Variants in TRRAP observed in about 807,000 individuals in gnomAD.
The protein encoded by TRRAP is transformation/transcription domain-associated protein.
A neutral mutation model predicts 438.8 loss-of-function variants in TRRAP; 41 were observed. The ratio of observed to expected loss-of-function variants is 0.09; its 90% CI spans 0.07 to 0.12. The LOEUF is 0.12. TRRAP is among the 10% of genes least tolerant of loss of function. The pLI is 1.00. For missense variants in TRRAP, 3,122 were observed against 5,055.1 expected, an observed-to-expected ratio of 0.62 and a Z score of 11.60; for synonymous variants, 1,994 against 1,962.9, an observed-to-expected ratio of 1.02 and a Z score of -0.42.
rs752332206 is a variant in TRRAP, at chr7:98,976,608, C to G, written c.8085C>G (p.Ile2695Met). Residue 2695 changes from isoleucine to methionine, a missense_variant, in exon 55 of 73, where the codon ATC becomes ATG. Coordinates refer to ENST00000456197, the MANE Select transcript of TRRAP (RefSeq NM_001375524.1). The surrounding 1 kb of genome is among the most constrained non-coding windows in gnomAD (Gnocchi z 4.6). ...CCCAGTGCGTGCCGCCAATCCCCATCCGACCCTGCGTCCTGAAGTACCTGG... is the reference window on the plus strand; with the variant it reads ...CCCAGTGCGTGCCGCCAATCCCCATGCGACCCTGCGTCCTGAAGTACCTGG... ...AMSQCVPPIP[I>M]RPCVLKYLGK... is the part of the protein sequence containing the mutation. 3.1e-6 allele frequency: 5 copies of G among 1,614,236 alleles called. No individual in the cohort carries two copies. Among genetic ancestry groups the G allele is most frequent in the Non-Finnish European group, 4.2e-6 (5 of 1,180,046 alleles).
At chr7:98,884,631 C>T (rs141586537) in intron 3 of TRRAP, among the ~76,000 whole-genome samples, 249 of 152,308 alleles carry the variant, frequency 1.6e-3, no homozygotes, top group African/African-American at 5.9e-3. Context: ...TCACTGGAGA[C>T]ACTCCCCATT....
At chr7:99,000,829 G>C (rs1793888530) in intron 67 of TRRAP, among the ~76,000 whole-genome samples, 1 of 152,186 alleles carries the variant, frequency 6.6e-6, no homozygotes, top group African/African-American at 2.4e-5. Context: ...CGAGTTTGGG[G>C]GATCGAAGCC....
chr7:98,976,060 T>G lies in TRRAP; in HGVS notation c.7840-89T>G. Reference sequence around the variant, plus strand: ...AAAGTGGAGGAGCATCGGTAATGTATGAGACAGATCATGGGTGTCTTCTGA... The same window carrying G: ...AAAGTGGAGGAGCATCGGTAATGTAGGAGACAGATCATGGGTGTCTTCTGA... On this transcript the variant is annotated intron_variant, in intron 53 of 72. Transcript: ENST00000456197. The surrounding 1 kb of genome is among the most constrained non-coding windows in gnomAD (Gnocchi z 4.6). The G allele has an allele frequency of 5.4e-5, 82 of 1,505,606 alleles. No homozygotes were observed. Among genetic ancestry groups the G allele is most frequent in the East Asian group, 6.9e-5 (3 of 43,594 alleles). The allele number at this position is 1,505,606 out of a possible 1,614,324, so 93.3% of individuals were successfully genotyped here.
chr7:98,888,888 G>A (rs1554404363), intron 3 of TRRAP, among the ~76,000 whole-genome samples: 1 of 151,966 alleles, frequency 6.6e-6, no homozygotes, highest in African/African-American at 2.4e-5. Flanking sequence ...CCATCTCTGA[G>A]GGCATGAATA....
chr7:98,952,832 G>A (rs1281582274), intron 39 of TRRAP, among the ~76,000 whole-genome samples: 2 of 152,170 alleles, frequency 1.3e-5, no homozygotes, highest in African/African-American at 2.4e-5. Flanking sequence ...CGTCACCTGT[G>A]CAGATCGTTA....
At chr7:98,923,714 T>C (rs1789908229) in intron 21 of TRRAP, among the ~76,000 whole-genome samples, 2 of 152,248 alleles carry the variant, frequency 1.3e-5, no homozygotes, top group South Asian at 4.1e-4. Flanking sequence ...TTGTGTGCAC[T>C]GCGTGTCTCT....
At chr7:98,888,497 A>G (rs1039711961) in intron 3 of TRRAP, among the ~76,000 whole-genome samples, 1 of 152,216 alleles carries the variant, frequency 6.6e-6, no homozygotes, top group Non-Finnish European at 1.5e-5. Flanking sequence ...AGATCACGCC[A>G]TTGCACTCCA....
At chr7:98,971,767 C>T in intron 52 of TRRAP, 32 bp from the exon 53 acceptor site, 1 of 1,606,050 alleles carries the variant, frequency 6.2e-7, no homozygotes, top group Non-Finnish European at 8.5e-7. Flanking sequence ...AGCCTTTGAC[C>T]TTTTGGTTTT....
intron 45 of TRRAP, among the ~76,000 whole-genome samples, chr7:98,960,312 A>G (rs115849584): frequency 2.0e-3 from 303 of 152,176 alleles, no homozygotes; most frequent in African/African-American, 6.5e-3. Flanking sequence ...AGCAAAAGCT[A>G]TTTTCTTGCC....
chr7:98,990,915 A>G (rs1022946401), intron 64 of TRRAP, among the ~76,000 whole-genome samples: 1 of 152,246 alleles, frequency 6.6e-6, no homozygotes, highest in Admixed American at 6.5e-5. Context: ...AAAACATACA[A>G]TTGCCAGTGG....
At chr7:98,898,707 G>C (rs6946441) in intron 8 of TRRAP, among the ~76,000 whole-genome samples, 106,878 of 152,044 alleles carry the variant, frequency 0.7, 42,001 homozygotes, top group South Asian at 0.88. Context: ...TTGAACTTTT[G>C]TATATTGTAA....
intron 67 of TRRAP, chr7:98,999,396 T>G: frequency 1.6e-6 from 2 of 1,247,618 alleles, no homozygotes; most frequent in Non-Finnish European, 2.3e-6. Flanking sequence ...AATTTCCTCT[T>G]GATCTACATG....
rs768141181 is a variant in TRRAP at position 98,976,097 on chromosome 7, C to T, written c.7840-52C>T. ...TGGGTGTCTTCTGAGCGTGGTTGTGCGAGGCACCCCCAGCCCGTGGCCATC... is the reference window on the plus strand; with the variant it reads ...TGGGTGTCTTCTGAGCGTGGTTGTGTGAGGCACCCCCAGCCCGTGGCCATC... On this transcript the variant is annotated intron_variant, in intron 53 of 72. Coordinates refer to ENST00000456197, the MANE Select transcript of TRRAP (RefSeq NM_001375524.1). The surrounding 1 kb of genome is among the most constrained non-coding windows in gnomAD (Gnocchi z 4.6). 1.9e-4 allele frequency: 311 copies of T among 1,604,084 alleles called. No homozygotes were observed. The highest frequency in any genetic ancestry group is 2.0e-4 in the Non-Finnish European group (236 of 1,174,676).
At chr7:98,954,805 C>G (rs1376820397) in intron 40 of TRRAP, among the ~76,000 whole-genome samples, 4 of 152,220 alleles carry the variant, frequency 2.6e-5, no homozygotes, top group Non-Finnish European at 5.9e-5. Context: ...CCCTAACTCG[C>G]TGCTGGTTAG....
At chr7:98,882,260 A>G (rs782256117) in intron 3 of TRRAP, among the ~76,000 whole-genome samples, 1 of 152,142 alleles carries the variant, frequency 6.6e-6, no homozygotes, top group Non-Finnish European at 1.5e-5. Flanking sequence ...TGGTTGGTTT[A>G]AAAACATTTT....
Position 98,885,667 on chromosome 7 carries a change from A to AATAT in TRRAP, c.150+3658_150+3661dup, listed in dbSNP as rs112055398. Among the ~76,000 whole-genome samples the AATAT allele has an allele frequency of 1.6e-3, 237 of 149,058 alleles. 1 individual carries two copies. Among genetic ancestry groups the AATAT allele is most frequent in the African/African-American group, 4.4e-3 (179 of 40,842 alleles). ...CAAGCTGCTAAAACAAGCTGTTTAA[A>AATAT]ATATATATATATATATATGAAGAGG... On this transcript the variant is annotated intron_variant, in intron 3 of 72. Coordinates refer to ENST00000456197, the MANE Select transcript of TRRAP (RefSeq NM_001375524.1).
At chr7:98,929,884 G>T in intron 23 of TRRAP, 105 bp from the exon 24 acceptor site, 2 of 1,250,122 alleles carry the variant, frequency 1.6e-6, no homozygotes, top group Non-Finnish European at 2.3e-6. Context: ...GTGAGCCGCC[G>T]TGCCCTGCTT....
chr7:98,998,970 G>C, intron 67 of TRRAP: 2 of 602,884 alleles, frequency 3.3e-6, no homozygotes, highest in South Asian at 4.5e-5. Context: ...AGATGCCCGT[G>C]GTACAGCCAG....
At chr7:98,999,200 C>CT in intron 67 of TRRAP, 2 of 1,410,208 alleles carry the variant, frequency 1.4e-6, no homozygotes. Context: ...TTCAGATAGG[C>CT]TTTGCAGTAC....
Sources: allele counts gnomAD v4.1 joint callset (sites outside exome capture counted in the v4.1 genomes callset), GRCh38; gene constraint gnomAD v4.1.1; non-coding constraint Gnocchi (gnomAD v3.1); transcripts MANE v1.5; gene names NCBI Gene and HGNC (gene_info 2026-07-23, HGNC 2026-07-21).